SPDYE3: variants seen among roughly 807,000 people sequenced by gnomAD.
The protein encoded by SPDYE3 is speedy protein E3.
SPDYE3 carries 15 observed loss-of-function variants against 55.0 expected under a neutral mutation model. That is an observed-to-expected ratio of 0.27 (90% CI 0.18 to 0.42). SPDYE3 has a LOEUF of 0.42. Ranked by LOEUF, SPDYE3 falls within the 10% of genes least tolerant of loss-of-function variation. The pLI, the probability that SPDYE3 is intolerant of heterozygous loss-of-function variation, is 1.00. For missense variants in SPDYE3, 236 were observed against 576.7 expected (o/e 0.41, Z 6.05); for synonymous variants, 89 against 229.9 (o/e 0.39, Z 5.55).
intron 1 of SPDYE3, among the ~76,000 whole-genome samples, chr7:100,308,368 G>C (rs1375828491): frequency 6.6e-6 from 1 of 150,570 alleles, no homozygotes. Context: ...AAAAAAAGAA[G>C]GGTCAGAGGT....
chr7:100,315,960 TTTTTTG>T (rs899626748), intron 7 of SPDYE3, 117 bp downstream of exon 7: 71 of 1,530,922 alleles, frequency 4.6e-5, no homozygotes, highest in South Asian at 5.8e-5. Context: ...TCCTACAGTT[TTTTTTG>T]TTTTTGTTTT....
rs370550230 is a variant in SPDYE3 at position 100,315,840 on chromosome 7, C to G, written c.1257C>G (p.Asp419Glu). ...LAWDKDLRVS[D>E]KYLLAMVIAY... ...GGGACAAAGATCTGAGGGTGTCAGA[C>G]AAGGTAAGGTTGTTCTCTATGTAAC... Residue 419 changes from aspartate (D) to glutamate (E), a missense_variant, in exon 7 of 11, where the codon GAC becomes GAG. Asp to Glu is a conservative substitution (Grantham distance 45). Transcript: ENST00000332397. The G allele has an allele frequency of 1.9e-6, 3 of 1,600,220 alleles. No homozygotes were observed. The highest frequency in any genetic ancestry group is 2.7e-5 in the African/African-American group (2 of 74,858).
chr7:100,309,676 G>C (rs1002592021), intron 2 of SPDYE3, among the ~76,000 whole-genome samples: 1 of 124,572 alleles, frequency 8.0e-6, no homozygotes, highest in Non-Finnish European at 1.8e-5. Flanking sequence ...AGCCGAGATC[G>C]TGCTACTGCA....
chr7:100,316,185 G>T (rs1806102550), intron 7 of SPDYE3, among the ~76,000 whole-genome samples: 1 of 152,146 alleles, frequency 6.6e-6, no homozygotes, highest in Non-Finnish European at 1.5e-5. Context: ...TGGCCAGATT[G>T]GTCCCGAACA....
rs180838874 is a variant in SPDYE3, at chr7:100,319,530, G to A, written c.1347-35G>A. On this transcript the variant is annotated intron_variant, in intron 8 of 10. Coordinates refer to ENST00000332397, the MANE Select transcript of SPDYE3 (RefSeq NM_001004351.5). ...CCTCAGCCGGAGGTCTCTCCTGGTG[G>A]TGCCCCTGAGCAGCAACCTGATTTC... 1.7e-3 allele frequency: 2,791 copies of A among 1,613,840 alleles called. 6 individuals carry two copies. Among genetic ancestry groups the A allele is most frequent in the Non-Finnish European group, 1.7e-3 (2,014 of 1,179,976 alleles).
Position 100,307,963 on chromosome 7 carries a change from G to A in SPDYE3, c.78G>A (p.Val26=), listed in dbSNP as rs757946455. 2.6e-6 allele frequency: 4 copies of A among 1,563,976 alleles called. No individual in the cohort carries two copies. The Admixed American group carries it at 5.6e-5, about 22-fold the overall frequency. Residue 26 remains valine (V), a synonymous_variant, in exon 1 of 11, where the codon GTG becomes GTA. Transcript: ENST00000332397. ...RSTSGYPLQE[V]VDDEVSGPSA... ...CCTCAGGGTACCCCCTCCAGGAGGT[G>A]GTGGATGATGAAGTGTCGGGACCAT...
intron 8 of SPDYE3, among the ~76,000 whole-genome samples, chr7:100,318,370 C>T (rs1015119623): frequency 3.3e-5 from 5 of 152,124 alleles, no homozygotes; most frequent in Non-Finnish European, 5.9e-5. Context: ...GTGCCAATTC[C>T]ACCCTCTCTA....
Position 100,319,971 on chromosome 7 carries a change from A to T in SPDYE3, c.1631A>T (p.Asp544Val). The T allele has an allele frequency of 2.5e-6, 4 of 1,607,642 alleles. No individual in the cohort carries two copies. Among genetic ancestry groups the T allele is most frequent in the Non-Finnish European group, 3.4e-6 (4 of 1,178,720 alleles). The change falls in exon 10 of 11, where the codon GAT becomes GTT. Residue 544 changes from aspartate to valine, a missense_variant. By Grantham distance (152) the Asp-to-Val change is radical. Coordinates refer to ENST00000332397, the MANE Select transcript of SPDYE3 (RefSeq NM_001004351.5). ...CCAGAGCACTGGGTGTGGGCGCGAG[A>T]TCGCGCCCACCTTTCCTAGAGCTCC... ...YDPEHWVWARDRAHLS is the reference protein window; with the variant it reads ...YDPEHWVWARVRAHLS
chr7:100,310,145 A>G (rs1394864450), intron 2 of SPDYE3, among the ~76,000 whole-genome samples: 1 of 138,662 alleles, frequency 7.2e-6, no homozygotes, highest in African/African-American at 2.6e-5. Context: ...CCAGGGAACG[A>G]TATGACGCAG....
intron 2 of SPDYE3, among the ~76,000 whole-genome samples, chr7:100,310,022 G>A (rs1805922203): frequency 7.2e-6 from 1 of 138,330 alleles, no homozygotes; most frequent in Non-Finnish European, 1.6e-5. Context: ...CTGGAATCCG[G>A]GAGATAGATG....
Position 100,309,002 on chromosome 7 carries a change from T to C in SPDYE3, c.135T>C (p.Arg45=). 4 of 578,778 alleles carry C rather than the reference T, an allele frequency of 6.9e-6. No individual in the cohort carries two copies. The highest frequency in any genetic ancestry group is 1.2e-5 in the Non-Finnish European group (4 of 337,946). 35.9% of individuals were successfully genotyped at this position (578,778 alleles called of 1,614,324 possible). ...CTGGGGTAGATCCCAGCCCCCCACG[T>C]AGGTCCCTTGGCTGCAAAAGGAAGA... ...SAPGVDPSPP[R]RSLGCKRKRE... Residue 45 remains arginine, a synonymous_variant, in exon 2 of 11, where the codon CGT becomes CGC. Transcript: ENST00000332397.
chr7:100,315,555 C>A (rs1277542155), intron 6 of SPDYE3, among the ~76,000 whole-genome samples: 1 of 152,120 alleles, frequency 6.6e-6, no homozygotes, highest in East Asian at 1.9e-4. Flanking sequence ...AGCTCTACAT[C>A]CTGTAGATTC....
intron 8 of SPDYE3, among the ~76,000 whole-genome samples, chr7:100,317,869 G>A (rs566387083): frequency 8.0e-5 from 12 of 150,288 alleles, no homozygotes; most frequent in East Asian, 7.8e-4. Flanking sequence ...CCAGCTACTC[G>A]GGAGGCTGAG....
At chr7:100,318,070 T>A (rs1297650398) in intron 8 of SPDYE3, among the ~76,000 whole-genome samples, 1 of 151,282 alleles carries the variant, frequency 6.6e-6, no homozygotes, top group Non-Finnish European at 1.5e-5. Context: ...GACATGACAC[T>A]TCCCCCAGCA....
In SPDYE3 at chr7:100,321,106, A is replaced by C. The variant is rs1293470489; in HGVS notation, c.*261A>C. 1.7e-6 allele frequency: 1 copy of C among 604,144 alleles called. No homozygotes were observed. The highest frequency in any genetic ancestry group is 1.9e-5 in the African/African-American group (1 of 53,324). 37.4% of individuals were successfully genotyped at this position (604,144 alleles called of 1,614,324 possible). On this transcript the variant is annotated 3_prime_UTR_variant, in exon 11 of 11. Transcript: ENST00000332397. ...AGTCCTTGGAGAAAAGTAAGAAACCAGGAGTGTTTCCAGTTCCACCCTTTC... is the reference window on the plus strand; with the variant it reads ...AGTCCTTGGAGAAAAGTAAGAAACCCGGAGTGTTTCCAGTTCCACCCTTTC...
Position 100,320,481 on chromosome 7 carries a change from A to C in SPDYE3, c.*46-410A>C, listed in dbSNP as rs144276088. ...TCGTCATGAGGAGGTAGGATTATGG[A>C]TTAGGCTTCTGGACTCGTGGTTTGT... On this transcript the variant is annotated intron_variant, in intron 10 of 10. Transcript: ENST00000332397. 3.7e-4 allele frequency: 364 copies of C among 989,516 alleles called. 2 individuals carry two copies. In the African/African-American group the frequency reaches 5.7e-3, roughly 16 times the overall value. The allele number at this position is 989,516 out of a possible 1,614,324, so 61.3% of individuals were successfully genotyped here. A position where few individuals can be genotyped will look rare whatever the true frequency, so the allele number is the denominator to read the frequency against.
intron 6 of SPDYE3, among the ~76,000 whole-genome samples, chr7:100,315,000 C>A (rs970501589): frequency 2.7e-5 from 4 of 146,238 alleles, no homozygotes; most frequent in African/African-American, 1.0e-4. Context: ...CGCCTGAGAT[C>A]CCAGCACGTT....
Position 100,307,943 on chromosome 7 carries a change from G to C in SPDYE3, c.58G>C (p.Gly20Arg), listed in dbSNP as rs1437270425. 1 of 1,578,482 alleles carries C rather than the reference G, an allele frequency of 6.3e-7. No individual in the cohort carries two copies. Among genetic ancestry groups the C allele is most frequent in the Non-Finnish European group, 8.5e-7 (1 of 1,170,782 alleles). Residue 20 changes from glycine to arginine, a missense_variant, in exon 1 of 11, where the codon GGG becomes CGG. Gly to Arg is a moderately radical substitution (Grantham distance 125, BLOSUM62 -2). Coordinates refer to ENST00000332397, the MANE Select transcript of SPDYE3 (RefSeq NM_001004351.5). ...EEQSPQRSTSGYPLQEVVDDE... is the reference protein window; with the variant it reads ...EEQSPQRSTSRYPLQEVVDDE... The stretch of plus-strand genomic sequence containing the variant: ...GCAGAGCCCCCAGCGGAGCACCTCA[G>C]GGTACCCCCTCCAGGAGGTGGTGGA...
chr7:100,317,172 C>G lies in SPDYE3; in HGVS notation c.1346+17C>G, dbSNP rs368944008. 2.6e-4 allele frequency: 416 copies of G among 1,611,562 alleles called. 3 individuals carry two copies. The highest frequency in any genetic ancestry group is 1.8e-3 in the Middle Eastern group (8 of 4,428). ...CCTGGCTCTGTGAGTGGTTTGCTGC[C>G]TCCTATCCATCAATATCCAACGCCC... On this transcript the variant is annotated intron_variant, in intron 8 of 10. Transcript: ENST00000332397.
Sources: allele counts gnomAD v4.1 joint callset (sites outside exome capture counted in the v4.1 genomes callset), GRCh38; gene constraint gnomAD v4.1.1; transcripts MANE v1.5; gene names NCBI Gene and HGNC (gene_info 2026-07-23, HGNC 2026-07-21).